MED12L: variants seen among roughly 807,000 people sequenced by gnomAD.
MED12L encodes mediator of RNA polymerase II transcription subunit 12-like protein.
Under a neutral mutation model 281.3 loss-of-function variants are expected in MED12L, and 60 were observed. That is an observed-to-expected ratio of 0.21 (90% CI 0.17 to 0.26). The LOEUF is 0.26. MED12L is among the 10% of genes least tolerant of loss of function. The probability of loss-of-function intolerance (pLI) is 1.00; values close to 1 mark genes in which losing one functional copy is unlikely to be tolerated. For missense variants in MED12L, 2,146 were observed against 2,680.9 expected, an observed-to-expected ratio of 0.80 and a Z score of 4.41; for synonymous variants, 974 against 987.2, an observed-to-expected ratio of 0.99 and a Z score of 0.25.
intron 44 of MED12L, among the ~76,000 whole-genome samples, chr3:151,431,686 CTA>C (rs1719537663): frequency 6.6e-6 from 1 of 152,062 alleles, no homozygotes; most frequent in African/African-American, 2.4e-5. Context: ...AAATAGGTAA[CTA>C]TGATTTTTAT....
chr3:151,369,281 C>T (rs1426660653), intron 25 of MED12L, among the ~76,000 whole-genome samples, 155 bp from the exon 26 acceptor site: 1 of 152,124 alleles, frequency 6.6e-6, no homozygotes, highest in East Asian at 1.9e-4. Context: ...GAATACTGGC[C>T]ATGTTTCTTA....
intron 16 of MED12L, among the ~76,000 whole-genome samples, chr3:151,217,437 C>G (rs1197847441): frequency 1.3e-5 from 2 of 152,320 alleles, no homozygotes. Flanking sequence ...CTTCACTGCT[C>G]CCACCACTTT....
intron 2 of MED12L, among the ~76,000 whole-genome samples, chr3:151,109,945 G>A (rs1458272908): frequency 2.6e-5 from 4 of 152,132 alleles, no homozygotes; most frequent in Admixed American, 2.0e-4. Context: ...ACGTTTTTGG[G>A]ATCTTAGTTG....
intron 16 of MED12L, among the ~76,000 whole-genome samples, chr3:151,231,341 C>A (rs530802396): frequency 6.6e-6 from 1 of 152,152 alleles, no homozygotes; most frequent in African/African-American, 2.4e-5. Flanking sequence ...ATCTTTCAGT[C>A]TGAAAACATA....
intron 35 of MED12L, 171 bp from the exon 36 acceptor site, chr3:151,384,859 A>C: frequency 1.8e-6 from 1 of 565,806 alleles, no homozygotes; most frequent in Non-Finnish European, 3.1e-6. Flanking sequence ...GAAATGAAAC[A>C]CTCATTGCTC....
intron 43 of MED12L, chr3:151,425,322 CAGA>C (rs770808369): frequency 1.3e-4 from 23 of 171,292 alleles, no homozygotes; most frequent in South Asian, 2.8e-4. Context: ...TGTGATTGAG[CAGA>C]AGAAGTAAAT....
chr3:151,181,544 A>G (rs901990133), intron 11 of MED12L, among the ~76,000 whole-genome samples: 2 of 145,802 alleles, frequency 1.4e-5, no homozygotes, highest in African/African-American at 5.1e-5. Context: ...AGCTGGGGCT[A>G]CAGGTGCATG....
At chr3:151,161,849 G>A (rs1276935988) in intron 8 of MED12L, among the ~76,000 whole-genome samples, 2 of 152,124 alleles carry the variant, frequency 1.3e-5, no homozygotes, top group Non-Finnish European at 2.9e-5. Context: ...AGTGGGCAAT[G>A]TGTAGAGTAT....
chr3:151,243,045 G>A (rs1577089422), intron 16 of MED12L, among the ~76,000 whole-genome samples: 1 of 151,618 alleles, frequency 6.6e-6, no homozygotes, highest in East Asian at 1.9e-4. Flanking sequence ...ATGAAATGAA[G>A]CGAGAAGGGA....
intron 16 of MED12L, among the ~76,000 whole-genome samples, chr3:151,284,834 C>G (rs539533386): frequency 1.3e-5 from 2 of 152,258 alleles, no homozygotes; most frequent in South Asian, 4.1e-4. Context: ...TCTCGAACTC[C>G]CGACCTCAGG....
In MED12L at chr3:151,385,057, A is replaced by G. The variant is rs764456557; in HGVS notation, c.4954A>G (p.Ser1652Gly). The change falls in exon 36 of 45, where the codon AGT becomes GGT. Residue 1652 changes from serine (S) to glycine (G), a missense_variant. Physicochemically the swap from Ser to Gly is moderately conservative, Grantham distance 56. This residue lies in a region of MED12L where 212 missense variants were observed against 340.8 expected (regional missense o/e 0.62). Transcript: ENST00000687756. ...KKELGDKRSE[S>G]IDKVRQLLPL... Reference sequence around the variant, plus strand: ...AGAGCTAGGAGACAAGCGATCAGAAAGTATTGACAAAGTTCGACAGTTACT... The same window carrying G: ...AGAGCTAGGAGACAAGCGATCAGAAGGTATTGACAAAGTTCGACAGTTACT... 6.3e-7 allele frequency: 1 copy of G among 1,596,540 alleles called. No homozygotes were observed. Among genetic ancestry groups the G allele is most frequent in the South Asian group, 1.1e-5 (1 of 90,406 alleles).
intron 16 of MED12L, among the ~76,000 whole-genome samples, chr3:151,250,039 G>T (rs529239662): frequency 6.6e-6 from 1 of 152,092 alleles, no homozygotes; most frequent in Non-Finnish European, 1.5e-5. Flanking sequence ...TCCCTTAAAT[G>T]TGAATCCTCT....
chr3:151,187,555 A>G (rs548268440), intron 12 of MED12L, among the ~76,000 whole-genome samples: 7 of 152,242 alleles, frequency 4.6e-5, no homozygotes, highest in Admixed American at 6.5e-5. Context: ...GTATCTTGAT[A>G]TTAAAGAGTA....
chr3:151,298,669 C>A (rs77847857), intron 16 of MED12L, among the ~76,000 whole-genome samples: 1 of 151,980 alleles, frequency 6.6e-6, no homozygotes, highest in African/African-American at 2.4e-5. Flanking sequence ...TTGTTTGGGA[C>A]GTAAGGGAAC....
chr3:151,086,264 A>C (rs1719166161), intron 1 of MED12L: 1 of 152,180 alleles, frequency 6.6e-6, no homozygotes, highest in Non-Finnish European at 1.5e-5. Context: ...CACCGGCCGC[A>C]TCCCTGCGTC....
intron 43 of MED12L, among the ~76,000 whole-genome samples, chr3:151,421,473 C>T (rs1718242052): frequency 6.6e-6 from 1 of 151,890 alleles, no homozygotes; most frequent in South Asian, 2.1e-4. Flanking sequence ...TGCAGTGGCG[C>T]AATCTTGGCT....
intron 44 of MED12L, 122 bp from the exon 45 acceptor site, chr3:151,432,630 T>C: frequency 1.4e-6 from 1 of 717,622 alleles, no homozygotes. Context: ...AGGATAGTAC[T>C]CTCCGGCCAT....
At chr3:151,242,819 A>C (rs944844145) in intron 16 of MED12L, among the ~76,000 whole-genome samples, 3 of 151,602 alleles carry the variant, frequency 2.0e-5, no homozygotes, top group African/African-American at 7.3e-5. Flanking sequence ...AATTACTCTG[A>C]GCTACGGGAG....
At chr3:151,140,839 G>A (rs1406577744) in intron 5 of MED12L, among the ~76,000 whole-genome samples, 3 of 148,428 alleles carry the variant, frequency 2.0e-5, no homozygotes, top group East Asian at 2.0e-4. Flanking sequence ...GCCTCCACAC[G>A]CAGATAATTT....
Sources: gnomAD v4.1 joint callset for allele counts (sites outside exome capture counted in the v4.1 genomes callset) on GRCh38, gnomAD v4.1.1 for gene constraint, gnomAD v4.1.1 regional missense constraint, MANE v1.5 for transcripts, NCBI Gene and HGNC (gene_info 2026-07-23, HGNC 2026-07-21) for gene names.